Variants in TARBP1 observed in about 807,000 individuals in gnomAD.
The protein encoded by TARBP1 is tRNA guanosine 2 -O-methyltransferase TARBP1, also known as tRNA (guanosine(18)-2'-O)-methyltransferase TARBP1.
TARBP1 carries 144 observed loss-of-function variants against 178.6 expected under a neutral mutation model. The observed-to-expected ratio is 0.81, with a 90% CI of 0.70 to 0.93. The LOEUF (loss-of-function observed/expected upper bound fraction) is 0.93. TARBP1 is among the 40% of genes least tolerant of loss of function. The pLI, the probability that TARBP1 is intolerant of heterozygous loss-of-function variation, is 0.00. For synonymous variants in TARBP1, 787 were observed against 781.0 expected (o/e 1.01, Z -0.13); for missense variants, 2,067 against 2,011.7 (o/e 1.03, Z -0.53).
rs1457252576 is a variant in TARBP1 at position 234,467,570 on chromosome 1, C to T, written c.1180G>A (p.Glu394Lys). Residue 394 changes from glutamate to lysine, a missense_variant, in exon 4 of 30, where the codon GAA (glutamate) becomes AAA (lysine). Glu to Lys is a moderately conservative substitution (Grantham distance 56, BLOSUM62 1). Coordinates refer to ENST00000040877, the MANE Select transcript of TARBP1 (RefSeq NM_005646.4). Reference sequence around the variant, plus strand: ...AGCTCCAAAAAATGGATAACACCTTCTTTGGACAGGATTTTGTTTTCACTT... The same window carrying T: ...AGCTCCAAAAAATGGATAACACCTTTTTTGGACAGGATTTTGTTTTCACTT... ...FESENKILSK[E>K]GVIHFLELYE... is the part of the protein sequence containing the mutation. 2 of 1,608,830 alleles carry T rather than the reference C, an allele frequency of 1.2e-6. No individual in the cohort carries two copies. The highest frequency in any genetic ancestry group is 1.1e-5 in the South Asian group (1 of 89,670).
chr1:234,412,173 C>T (rs2103069776), intron 22 of TARBP1, among the ~76,000 whole-genome samples: 1 of 152,282 alleles, frequency 6.6e-6, no homozygotes, highest in African/African-American at 2.4e-5. Flanking sequence ...CCTGTAATCC[C>T]AGCACTTTGG....
At chr1:234,410,595 G>C (rs1661705452) in intron 22 of TARBP1, 64 bp from the exon 23 acceptor site, 9 of 1,071,640 alleles carry the variant, frequency 8.4e-6, no homozygotes, top group Non-Finnish European at 1.3e-5. Context: ...GCACGTGAAA[G>C]CGCCGTGCTG....
intron 1 of TARBP1, among the ~76,000 whole-genome samples, chr1:234,476,067 C>G (rs1029937715): frequency 6.6e-6 from 1 of 152,110 alleles, no homozygotes; most frequent in East Asian, 1.9e-4. Flanking sequence ...CAACAGAAAA[C>G]AAAGCCAAAC....
chr1:234,459,106 T>G, intron 8 of TARBP1, 124 bp downstream of exon 8: 1 of 641,512 alleles, frequency 1.6e-6, no homozygotes, highest in Admixed American at 3.1e-5. Context: ...ACAAGCACAT[T>G]TATTATTTTA....
intron 13 of TARBP1, among the ~76,000 whole-genome samples, chr1:234,434,119 T>G (rs1664768809): frequency 6.6e-6 from 1 of 152,208 alleles, no homozygotes; most frequent in African/African-American, 2.4e-5. Flanking sequence ...TCTTCACTAC[T>G]AAGCCTTATT....
intron 17 of TARBP1, among the ~76,000 whole-genome samples, chr1:234,428,873 G>C (rs1380361482): frequency 6.6e-6 from 1 of 152,124 alleles, no homozygotes; most frequent in Non-Finnish European, 1.5e-5. Context: ...AAAGTTGCCA[G>C]GTAATCAAAA....
At chr1:234,416,879 G>A (rs914228719) in intron 22 of TARBP1, among the ~76,000 whole-genome samples, 2 of 152,294 alleles carry the variant, frequency 1.3e-5, no homozygotes, top group Admixed American at 6.5e-5. Context: ...GGGACCGGCC[G>A]AGATGGGCTT....
intron 24 of TARBP1, 27 bp downstream of exon 24, chr1:234,405,876 G>T (rs2271444): frequency 0.22 from 356,447 of 1,600,622 alleles, 40,498 homozygotes; most frequent in Admixed American, 0.27. Context: ...GAGAGTGAGG[G>T]CGATGAGGTT....
chr1:234,423,543 TC>T (rs1325061427), intron 20 of TARBP1, among the ~76,000 whole-genome samples: 1 of 152,118 alleles, frequency 6.6e-6, no homozygotes, highest in Non-Finnish European at 1.5e-5. Flanking sequence ...TAGATTCTCA[TC>T]CCACCATGAA....
intron 13 of TARBP1, among the ~76,000 whole-genome samples, chr1:234,435,358 G>A (rs1036109276): frequency 2.7e-5 from 4 of 150,382 alleles, no homozygotes; most frequent in Admixed American, 2.0e-4. Flanking sequence ...GGTGGCGCAC[G>A]CCTGTAATAC....
chr1:234,412,529 T>G (rs1405926485), intron 22 of TARBP1, among the ~76,000 whole-genome samples: 2 of 150,732 alleles, frequency 1.3e-5, no homozygotes, highest in Non-Finnish European at 1.5e-5. Context: ...ATTGGCCAGG[T>G]GTGGTGGCAG....
intron 8 of TARBP1, 110 bp downstream of exon 8, chr1:234,459,120 C>T: frequency 1.5e-6 from 1 of 685,492 alleles, no homozygotes; most frequent in Non-Finnish European, 2.5e-6. Flanking sequence ...TATTTTATTA[C>T]AAGCAGGCCT....
intron 19 of TARBP1, among the ~76,000 whole-genome samples, chr1:234,426,732 A>G (rs1663817889): frequency 6.6e-6 from 1 of 152,228 alleles, no homozygotes; most frequent in South Asian, 2.1e-4. Context: ...CTCCAAAAAA[A>G]TTAATTCAGT....
chr1:234,429,562 T>G lies in TARBP1; in HGVS notation c.2725A>C (p.Thr909Pro). ...LLKKYHTLIP[T>P]TGSEILEPFL... ...GGTTCCAGAATTTCACTCCCTGTGG[T>G]TGGTATAAGGGTGTGATATTTTTTC... Residue 909 changes from threonine to proline, a missense_variant, in exon 16 of 30, where the codon ACC becomes CCC. Thr to Pro is a conservative substitution (Grantham distance 38). Coordinates refer to ENST00000040877, the MANE Select transcript of TARBP1 (RefSeq NM_005646.4). 1 of 1,614,052 alleles carries G rather than the reference T, an allele frequency of 6.2e-7. No homozygotes were observed. The highest frequency in any genetic ancestry group is 8.5e-7 in the Non-Finnish European group (1 of 1,180,000).
intron 16 of TARBP1, 42 bp from the exon 17 acceptor site, chr1:234,429,366 G>A: frequency 6.4e-7 from 1 of 1,567,180 alleles, no homozygotes; most frequent in South Asian, 1.2e-5. Flanking sequence ...TCAAAAACTT[G>A]ATCGCCACTC....
At chr1:234,421,109 G>A (rs1663035383) in intron 20 of TARBP1, among the ~76,000 whole-genome samples, 1 of 152,048 alleles carries the variant, frequency 6.6e-6, no homozygotes, top group Non-Finnish European at 1.5e-5. Flanking sequence ...TCTTTTTTGA[G>A]ATGGAGTCTT....
At position 234,478,358 on chromosome 1, in the gene TARBP1, G is replaced by GCGCGGT. The variant is rs1337071996; in HGVS notation, c.740_745dup (p.Asp247_Arg248dup). 3.0e-5 allele frequency: 38 copies of GCGCGGT among 1,269,738 alleles called. No individual in the cohort carries two copies. In the South Asian group the frequency reaches 3.0e-4, roughly 10 times the overall value. 78.7% of individuals were successfully genotyped at this position (1,269,738 alleles called of 1,614,324 possible). The stretch of plus-strand genomic sequence containing the variant: ...CGGGCCCGCCTCGCGCGCGCCGCGG[G>GCGCGGT]CGCGGTCGCCGCCGGGCTCGGGCAA... On this transcript the variant is annotated inframe_insertion, in exon 1 of 30. Transcript: ENST00000040877.
chr1:234,419,760 A>C (rs1459755996), intron 21 of TARBP1, among the ~76,000 whole-genome samples: 1 of 152,124 alleles, frequency 6.6e-6, no homozygotes, highest in Admixed American at 6.6e-5. Flanking sequence ...CTATGATGAA[A>C]AATAGCAACC....
At chr1:234,429,714 C>A in intron 15 of TARBP1, 37 bp from the exon 16 acceptor site, 1 of 1,549,646 alleles carries the variant, frequency 6.5e-7, no homozygotes, top group South Asian at 1.3e-5. Flanking sequence ...CCATACTTCC[C>A]CAATTTGCCT....
Sources: allele counts gnomAD v4.1 joint callset (sites outside exome capture counted in the v4.1 genomes callset), GRCh38; gene constraint gnomAD v4.1.1; transcripts MANE v1.5; gene names NCBI Gene and HGNC (gene_info 2026-07-23, HGNC 2026-07-21).